COQ8A: variants seen among roughly 807,000 people sequenced by gnomAD.
The protein encoded by COQ8A is atypical kinase COQ8A, mitochondrial.
COQ8A carries 51 observed loss-of-function variants against 65.0 expected under a neutral mutation model. The observed-to-expected ratio is 0.78, with a 90% CI of 0.63 to 0.99. COQ8A has a LOEUF of 0.99. COQ8A is among the 50% of genes least tolerant of loss of function. The pLI is 0.00. For missense variants in COQ8A, 940 were observed against 875.0 expected (o/e 1.07, Z -0.94); for synonymous variants, 371 against 353.2 (o/e 1.05, Z -0.57).
At chr1:226,958,303 G>A (rs1657932391) in intron 1 of COQ8A, 1 of 152,208 alleles carries the variant, frequency 6.6e-6, no homozygotes, top group South Asian at 2.1e-4. Flanking sequence ...CCAGAAAAGG[G>A]GTCTGATGAG....
chr1:226,977,339 C>A, intron 4 of COQ8A, 110 bp from the exon 5 acceptor site: 2 of 985,040 alleles, frequency 2.0e-6, no homozygotes, highest in South Asian at 1.5e-5. Context: ...GCAGCGAGGG[C>A]CCCTGGTGCA....
rs769650823 is a variant in COQ8A, at chr1:226,961,442, C to G, written c.57C>G (p.Thr19=). 178 of 1,613,678 alleles carry G rather than the reference C, an allele frequency of 1.1e-4. No individual in the cohort carries two copies. Among genetic ancestry groups the G allele is most frequent in the Non-Finnish European group, 1.3e-4 (156 of 1,180,036 alleles). The change falls in exon 2 of 15, where the codon ACC becomes ACG. Residue 19 remains threonine (T), a synonymous_variant. Coordinates refer to ENST00000366777, the MANE Select transcript of COQ8A (RefSeq NM_020247.5). ...TGGCTAAAGGCCTTGTCAAGCTGAC[C>G]CAGGCGGCCGTGGAAACCCACCTGC... ...IMVAKGLVKL[T]QAAVETHLQH... is the part of the protein sequence containing the mutation.
chr1:226,984,485 C>G (rs943789764), intron 11 of COQ8A, 63 bp from the exon 12 acceptor site: 2 of 1,449,056 alleles, frequency 1.4e-6, no homozygotes, highest in Non-Finnish European at 1.9e-6. Flanking sequence ...TCTCTGGCCC[C>G]AGTCTCCCAG....
Position 226,986,504 on chromosome 1 carries a change from G to A in COQ8A, c.1711G>A (p.Ala571Thr), listed in dbSNP as rs762900727. ...DAILILGEAF[A>T]SDEPFDFGTQ... ...CATCCTCATCCTGGGGGAGGCCTTC[G>A]CCTCTGATGAGCCTTTTGATTTTGG... The change falls in exon 15 of 15, where the codon GCC becomes ACC. Residue 571 changes from alanine to threonine, a missense_variant. Coordinates refer to ENST00000366777, the MANE Select transcript of COQ8A (RefSeq NM_020247.5). 72 of 1,613,214 alleles carry A rather than the reference G, an allele frequency of 4.5e-5. 1 individual carries two copies. The East Asian group carries it at 1.0e-3, about 23-fold the overall frequency.
chr1:226,941,488 T>C (rs1472026203), intron 1 of COQ8A, among the ~76,000 whole-genome samples: 2 of 151,950 alleles, frequency 1.3e-5, no homozygotes, highest in East Asian at 3.9e-4. Context: ...CTCAGGCGGC[T>C]GGGTGCGGTG....
rs1164127332 is a variant in COQ8A at position 226,940,312 on chromosome 1, T to TGGCGGGCGTCAGCGCGGTGGCC, written c.-96_-75dup. 2 of 152,098 alleles carry TGGCGGGCGTCAGCGCGGTGGCC rather than the reference T, an allele frequency of 1.3e-5. No individual in the cohort carries two copies. Among genetic ancestry groups the TGGCGGGCGTCAGCGCGGTGGCC allele is most frequent in the Admixed American group, 1.3e-4 (2 of 15,270 alleles). The allele number at this position is 152,098 out of a possible 1,614,324, so 9.4% of individuals were successfully genotyped here. A position where few individuals can be genotyped will look rare whatever the true frequency, so the allele number is the denominator to read the frequency against. ...AGTTGGTAAACAGATCCGGAGCGCG[T>TGGCGGGCGTCAGCGCGGTGGCC]GGCGGGCGTCAGCGCGGTGGCCAGC... On this transcript the variant is annotated 5_prime_UTR_variant, in exon 1 of 15. Coordinates refer to ENST00000366777, the MANE Select transcript of COQ8A (RefSeq NM_020247.5).
chr1:226,984,377 T>C, intron 11 of COQ8A, 142 bp downstream of exon 11: 1 of 1,380,854 alleles, frequency 7.2e-7, no homozygotes. Context: ...CAGTGGGACT[T>C]AGGGGGACAC....
intron 1 of COQ8A, among the ~76,000 whole-genome samples, chr1:226,951,970 A>C (rs1179176375): frequency 1.3e-5 from 2 of 152,192 alleles, no homozygotes; most frequent in Admixed American, 6.5e-5. Context: ...ATGTGTCTTA[A>C]TTTTTGTTGC....
intron 5 of COQ8A, 84 bp downstream of exon 5, chr1:226,977,607 G>A: frequency 2.8e-6 from 4 of 1,446,700 alleles, no homozygotes; most frequent in Non-Finnish European, 3.8e-6. Context: ...CTGTGCTCTG[G>A]GAGTGTCAGC....
intron 5 of COQ8A, 124 bp downstream of exon 5, chr1:226,977,647 CG>C (rs1659323166): frequency 5.7e-6 from 6 of 1,047,344 alleles, no homozygotes; most frequent in African/African-American, 1.6e-5. Context: ...TGGGGTTCCA[CG>C]TAAGTGGCGT....
chr1:226,979,278 C>T (rs980094943), intron 5 of COQ8A, among the ~76,000 whole-genome samples: 1 of 152,184 alleles, frequency 6.6e-6, no homozygotes, highest in Non-Finnish European at 1.5e-5. Context: ...TTTGGGCATT[C>T]GTGCTGCTGT....
chr1:226,968,952 A>G (rs1022502448), intron 4 of COQ8A, among the ~76,000 whole-genome samples: 6 of 152,220 alleles, frequency 3.9e-5, no homozygotes, highest in Admixed American at 1.3e-4. Context: ...GTTCATCATA[A>G]TAGCTGTCCT....
chr1:226,955,939 T>C (rs1272633412), intron 1 of COQ8A, among the ~76,000 whole-genome samples: 55 of 76,526 alleles, frequency 7.2e-4, no homozygotes, highest in Admixed American at 9.2e-4. Context: ...CTGGTTCCCA[T>C]TCTCCCTGGT....
intron 10 of COQ8A, 22 bp from the exon 11 acceptor site, chr1:226,984,072 G>GTGA (rs763355267): frequency 1.3e-4 from 217 of 1,612,384 alleles, no homozygotes; most frequent in Non-Finnish European, 1.8e-4. Context: ...TGGCTAGGGC[G>GTGA]TGACCTCCCT....
intron 1 of COQ8A, among the ~76,000 whole-genome samples, chr1:226,957,529 G>A (rs898383327): frequency 5.3e-5 from 8 of 152,056 alleles, no homozygotes; most frequent in South Asian, 4.1e-4. Flanking sequence ...TGCAGATGAC[G>A]TCCCTGGCCT....
Position 226,965,524 on chromosome 1 carries a change from C to T in COQ8A, c.588+114C>T, listed in dbSNP as rs1034233440. The T allele has an allele frequency of 3.4e-5, 51 of 1,512,826 alleles. No individual in the cohort carries two copies. In the African/African-American group the frequency reaches 5.2e-4, roughly 15 times the overall value. The allele number at this position is 1,512,826 out of a possible 1,614,324, so 93.7% of individuals were successfully genotyped here. On this transcript the variant is annotated intron_variant, in intron 3 of 14. Transcript: ENST00000366777. Reference sequence around the variant, plus strand: ...TGCTGTGGTCTGGGGTTTTTAGGAGCGTGGTGGCCTTCTCTTGGTGGAGTG... The same window carrying T: ...TGCTGTGGTCTGGGGTTTTTAGGAGTGTGGTGGCCTTCTCTTGGTGGAGTG...
At chr1:226,968,647 A>G (rs1283545886) in intron 4 of COQ8A, among the ~76,000 whole-genome samples, 1 of 152,158 alleles carries the variant, frequency 6.6e-6, no homozygotes, top group Non-Finnish European at 1.5e-5. Context: ...TATGAAGGAA[A>G]GGGATTGCTC....
At chr1:226,941,768 C>T (rs1006061410) in intron 1 of COQ8A, among the ~76,000 whole-genome samples, 1 of 134,780 alleles carries the variant, frequency 7.4e-6, no homozygotes, top group Admixed American at 7.5e-5. Context: ...GAGCGAGACT[C>T]AATCTCAAAA....
At chr1:226,957,910 C>G (rs536710952) in intron 1 of COQ8A, among the ~76,000 whole-genome samples, 1 of 152,220 alleles carries the variant, frequency 6.6e-6, no homozygotes, top group Non-Finnish European at 1.5e-5. Context: ...CCTGAAAGGT[C>G]AGAGAGTGAA....
Sources: allele counts gnomAD v4.1 joint callset (sites outside exome capture counted in the v4.1 genomes callset), GRCh38; gene constraint gnomAD v4.1.1; transcripts MANE v1.5; gene names NCBI Gene and HGNC (gene_info 2026-07-23, HGNC 2026-07-21).